The following ELAVL4 variants were observed in gnomAD, a reference collection of about 807,000 sequenced individuals.
ELAVL4 encodes ELAV-like protein 4.
In ELAVL4, 1 loss-of-function variant was observed where a neutral mutation model predicts 35.6. The observed-to-expected ratio is 0.03, with a 90% CI of 0.01 to 0.13. The LOEUF (loss-of-function observed/expected upper bound fraction) is 0.13. Ranked by LOEUF, ELAVL4 falls within the 10% of genes least tolerant of loss-of-function variation. The pLI is 1.00. For missense variants in ELAVL4, 267 were observed against 464.9 expected, an observed-to-expected ratio of 0.57 and a Z score of 3.91; for synonymous variants, 156 against 171.0, an observed-to-expected ratio of 0.91 and a Z score of 0.69.
intron 1 of ELAVL4, among the ~76,000 whole-genome samples, chr1:50,119,970 A>G (rs1401742205): frequency 6.6e-6 from 1 of 151,762 alleles, no homozygotes; most frequent in African/African-American, 2.4e-5. Context: ...GTGTTTGGGA[A>G]TATGTCCAGC....
chr1:50,080,676 G>A lies in ELAVL4; in HGVS notation c.18+32494G>A, dbSNP rs953415835. ...ATGCTGCTGTGTCTTTGGGCATGTCGTTTCCTTTCTGCAGAAAGCTTTCTC... is the reference window on the plus strand; with the variant it reads ...ATGCTGCTGTGTCTTTGGGCATGTCATTTCCTTTCTGCAGAAAGCTTTCTC... On this transcript the variant is annotated intron_variant, in intron 1 of 6. Transcript: ENST00000448907. Among the ~76,000 whole-genome samples, 7 of 152,086 alleles carry A rather than the reference G, an allele frequency of 4.6e-5. 1 individual carries two copies. The East Asian group carries it at 5.8e-4, about 13-fold the overall frequency.
At chr1:50,091,664 A>C (rs1455169764) in intron 1 of ELAVL4, among the ~76,000 whole-genome samples, 1 of 152,208 alleles carries the variant, frequency 6.6e-6, no homozygotes, top group Non-Finnish European at 1.5e-5. Flanking sequence ...GAAGGAAAAG[A>C]AGCACTGACC....
chr1:50,175,469 T>C (rs1679853853), intron 2 of ELAVL4: 1 of 150,396 alleles, frequency 6.6e-6, no homozygotes, highest in African/African-American at 2.5e-5. Context: ...AAGAGAAGGG[T>C]CCCAGCAGCT....
chr1:50,197,226 T>C (rs543697457), intron 5 of ELAVL4, among the ~76,000 whole-genome samples: 2 of 152,326 alleles, frequency 1.3e-5, no homozygotes, highest in African/African-American at 4.8e-5. Context: ...GACACTTGCT[T>C]TAAACTCTAG....
chr1:50,085,881 G>A (rs1409238514), intron 1 of ELAVL4, among the ~76,000 whole-genome samples: 5 of 152,202 alleles, frequency 3.3e-5, no homozygotes, highest in African/African-American at 4.8e-5. Flanking sequence ...GGAGATAGAT[G>A]CAGAGATATC....
chr1:50,057,940 A>G (rs1257471756), intron 1 of ELAVL4, among the ~76,000 whole-genome samples: 2 of 152,218 alleles, frequency 1.3e-5, no homozygotes, highest in African/African-American at 4.8e-5. Context: ...CTCACCTTCA[A>G]GGGTGTGATT....
chr1:50,158,466 C>T (rs1157665175), intron 2 of ELAVL4, among the ~76,000 whole-genome samples: 1 of 152,062 alleles, frequency 6.6e-6, no homozygotes. Context: ...TTTGCTCCTG[C>T]TTGACTATCC....
At position 50,202,999 on chromosome 1, in the gene ELAVL4, T is replaced by C. The variant is rs1477901604; in HGVS notation, c.*1821T>C. 6.6e-6 allele frequency: 1 copy of C among 152,212 alleles called. No individual in the cohort carries two copies. Among genetic ancestry groups the C allele is most frequent in the African/African-American group, 2.4e-5 (1 of 41,466 alleles). The allele number at this position is 152,212 out of a possible 1,614,324, so 9.4% of individuals were successfully genotyped here. ...GTCCAGTGCACTGATCATTTTAGTA[T>C]GTTTGTGCTTTGTACGGTTATATAT... On this transcript the variant is annotated 3_prime_UTR_variant, in exon 7 of 7. Coordinates refer to ENST00000371824, the MANE Select transcript of ELAVL4 (RefSeq NM_001144774.3).
At chr1:50,184,772 G>A (rs1436147230) in intron 3 of ELAVL4, among the ~76,000 whole-genome samples, 1 of 152,138 alleles carries the variant, frequency 6.6e-6, no homozygotes, top group Non-Finnish European at 1.5e-5. Context: ...GAAGCATTCA[G>A]ATGAACTCAT....
At chr1:50,103,787 C>G (rs1025717590), upstream of ELAVL4, 38 of 860,900 alleles carry the variant, frequency 4.4e-5, no homozygotes, top group Non-Finnish European at 6.2e-5. Flanking sequence ...TCTGTTCACT[C>G]TACCTTCCCA....
intron 1 of ELAVL4, among the ~76,000 whole-genome samples, chr1:50,091,224 C>T (rs998443613): frequency 2.6e-5 from 4 of 152,314 alleles, no homozygotes; most frequent in Middle Eastern, 3.4e-3. Context: ...TTAGCACGCA[C>T]GCTCACACCT....
intron 1 of ELAVL4, among the ~76,000 whole-genome samples, chr1:50,092,284 T>C (rs1468475847): frequency 6.6e-6 from 1 of 152,138 alleles, no homozygotes; most frequent in Non-Finnish European, 1.5e-5. Flanking sequence ...AAAGGTGACA[T>C]TTGAGCTGAA....
At chr1:50,103,870 C>T (rs1557703657), upstream of ELAVL4, 3 of 1,582,004 alleles carry the variant, frequency 1.9e-6, no homozygotes, top group East Asian at 2.3e-5. Flanking sequence ...AAAAGGTCTG[C>T]AGCTGTGTTC....
Position 50,203,181 on chromosome 1 carries a change from A to G in ELAVL4, c.*2003A>G, listed in dbSNP as rs985344103. On this transcript the variant is annotated 3_prime_UTR_variant, in exon 7 of 7. Coordinates refer to ENST00000371824, the MANE Select transcript of ELAVL4 (RefSeq NM_001144774.3). ...TCTTTTCAATACAAGTTTAGTCTTA[A>G]TGGTAATAAAACGTTATGGTTATTT... The G allele has an allele frequency of 6.6e-6, 1 of 152,164 alleles. No homozygotes were observed. The highest frequency in any genetic ancestry group is 2.4e-5 in the African/African-American group (1 of 41,438). 9.4% of individuals were successfully genotyped at this position (152,164 alleles called of 1,614,324 possible). A position where few individuals can be genotyped will look rare whatever the true frequency, so the allele number is the denominator to read the frequency against.
intron 1 of ELAVL4, among the ~76,000 whole-genome samples, chr1:50,069,872 G>A (rs1340465453): frequency 2.0e-5 from 3 of 152,136 alleles, no homozygotes; most frequent in Non-Finnish European, 4.4e-5. Context: ...ACTCACAAGG[G>A]TTCAGCCCTT....
chr1:50,128,928 T>G (rs557044692), intron 1 of ELAVL4, among the ~76,000 whole-genome samples: 1 of 152,132 alleles, frequency 6.6e-6, no homozygotes, highest in South Asian at 2.1e-4. Flanking sequence ...GCTTTACCTT[T>G]CATTTGCTCC....
In ELAVL4 at chr1:50,167,771, T is replaced by A. The variant is rs537235242; in HGVS notation, c.251-9318T>A. ...CATTCTATCCACTTAATTATTAAAA[T>A]CCTCCTCTGCTGAAGTTACCCATTG... On this transcript the variant is annotated intron_variant, in intron 2 of 6. Transcript: ENST00000371824. Among the ~76,000 whole-genome samples, 33 of 152,260 alleles carry A rather than the reference T, an allele frequency of 2.2e-4. No individual in the cohort carries two copies. The South Asian group carries it at 6.9e-3, about 32-fold the overall frequency.
intron 3 of ELAVL4, among the ~76,000 whole-genome samples, chr1:50,190,787 A>G (rs3001640): frequency 0.47 from 71,036 of 152,158 alleles, 19,294 homozygotes; most frequent in Middle Eastern, 0.64. Context: ...CTGGCTGTGC[A>G]GAACTAATGG....
intron 1 of ELAVL4, among the ~76,000 whole-genome samples, chr1:50,076,724 C>G (rs4375316): frequency 1 from 151,664 of 152,226 alleles, 75,554 homozygotes; most frequent in Middle Eastern, 1. Flanking sequence ...AAGCTGTGTT[C>G]TGTAAGGCCA....
Sources: gnomAD v4.1 joint callset for allele counts (sites outside exome capture counted in the v4.1 genomes callset) on GRCh38, gnomAD v4.1.1 for gene constraint, MANE v1.5 for transcripts, NCBI Gene and HGNC (gene_info 2026-07-23, HGNC 2026-07-21) for gene names.